Variants in CCDC110 observed in about 807,000 individuals in gnomAD.
CCDC110 encodes the protein coiled-coil domain-containing protein 110.
In CCDC110, 70 loss-of-function variants were observed where a neutral mutation model predicts 77.1. The observed-to-expected ratio is 0.91, with a 90% CI of 0.75 to 1.11. The LOEUF is 1.11. Ranked by LOEUF, CCDC110 falls within the 50% of genes least tolerant of loss-of-function variation. CCDC110 has a pLI of 0.00. For missense variants in CCDC110, 868 were observed against 942.9 expected (o/e 0.92, Z 1.04); for synonymous variants, 295 against 312.5 (o/e 0.94, Z 0.59).
At chr4:185,451,575 T>C (rs901585078) in intron 6 of CCDC110, among the ~76,000 whole-genome samples, 1 of 152,200 alleles carries the variant, frequency 6.6e-6, no homozygotes, top group Admixed American at 6.5e-5. Flanking sequence ...CAAAGAGTAA[T>C]ATTGAATACA....
chr4:185,464,052 C>G (rs375439195), intron 2 of CCDC110, among the ~76,000 whole-genome samples: 3 of 152,098 alleles, frequency 2.0e-5, no homozygotes, highest in African/African-American at 7.2e-5. Flanking sequence ...CCCTTATATC[C>G]CTCTTTGTCT....
intron 2 of CCDC110, among the ~76,000 whole-genome samples, chr4:185,467,708 A>G (rs962344413): frequency 6.6e-6 from 1 of 152,262 alleles, no homozygotes; most frequent in Non-Finnish European, 1.5e-5. Flanking sequence ...TATTCAATGT[A>G]TACAAAAAGT....
intron 6 of CCDC110, among the ~76,000 whole-genome samples, chr4:185,447,931 A>G (rs1339984657): frequency 1.3e-5 from 2 of 152,232 alleles, no homozygotes; most frequent in Non-Finnish European, 2.9e-5. Context: ...CTTAGCTGCA[A>G]TAATTAGCCA....
intron 6 of CCDC110, among the ~76,000 whole-genome samples, chr4:185,447,405 C>T (rs1477944542): frequency 8.5e-5 from 13 of 152,152 alleles, no homozygotes; most frequent in East Asian, 7.7e-4. Context: ...TGGACTTGAT[C>T]TCCTGACCTC....
intron 2 of CCDC110, 90 bp downstream of exon 2, chr4:185,470,855 T>C: frequency 2.1e-6 from 2 of 939,564 alleles, no homozygotes; most frequent in Non-Finnish European, 3.5e-6. Context: ...ATCACGGCCG[T>C]GGGAAGCACG....
intron 6 of CCDC110, among the ~76,000 whole-genome samples, chr4:185,447,221 G>C (rs773795402): frequency 6.3e-4 from 93 of 148,572 alleles, no homozygotes; most frequent in Admixed American, 1.4e-3. Context: ...TCACTCTGTC[G>C]CCCAGGCTGG....
intron 6 of CCDC110, among the ~76,000 whole-genome samples, chr4:185,447,273 C>T (rs996464442): frequency 1.3e-5 from 2 of 151,936 alleles, no homozygotes; most frequent in African/African-American, 4.8e-5. Context: ...GCTCCACCTG[C>T]CGGGTTCACG....
chr4:185,459,042 A>G lies in CCDC110; in HGVS notation c.1545T>C (p.Tyr515=), dbSNP rs1580182050. The G allele has an allele frequency of 6.4e-7, 1 of 1,570,872 alleles. No individual in the cohort carries two copies. The highest frequency in any genetic ancestry group is 1.2e-5 in the South Asian group (1 of 84,434). ...LKEFKKIISK[Y]NVLQGQNKTL... ...TTTTATTTTGGCCTTGCAGAACATT[A>G]TATTTACTAATTATTTTTTTAAATT... Residue 515 remains tyrosine (Y), a synonymous_variant, in exon 6 of 7, where the codon TAT becomes TAC. Coordinates refer to ENST00000307588, the MANE Select transcript of CCDC110 (RefSeq NM_152775.4).
At chr4:185,465,284 A>C (rs2095653495) in intron 2 of CCDC110, among the ~76,000 whole-genome samples, 1 of 152,232 alleles carries the variant, frequency 6.6e-6, no homozygotes. Context: ...AGGATTTGCA[A>C]GTTCAAAGCT....
At chr4:185,448,081 T>TGAC (rs2153315799) in intron 6 of CCDC110, among the ~76,000 whole-genome samples, 1 of 152,196 alleles carries the variant, frequency 6.6e-6, no homozygotes, top group Admixed American at 6.5e-5. Flanking sequence ...AGTGCAAAGG[T>TGAC]GTGATCTCGG....
At chr4:185,457,013 A>G (rs1388215073) in intron 6 of CCDC110, 1 of 250,366 alleles carries the variant, frequency 4.0e-6, no homozygotes, top group East Asian at 1.2e-4. Flanking sequence ...AATCCTTAAC[A>G]AAATATTACC....
chr4:185,448,330 G>A (rs1281981054), intron 6 of CCDC110, among the ~76,000 whole-genome samples: 1 of 152,214 alleles, frequency 6.6e-6, no homozygotes, highest in African/African-American at 2.4e-5. Context: ...CACTGCGCCC[G>A]GTCAGAAATA....
At chr4:185,456,263 A>G (rs1055375877) in intron 6 of CCDC110, among the ~76,000 whole-genome samples, 4 of 152,266 alleles carry the variant, frequency 2.6e-5, no homozygotes, top group African/African-American at 9.6e-5. Flanking sequence ...TGGGTCAAAG[A>G]ATAAATCACA....
Position 185,471,729 on chromosome 4 carries a change from C to A in CCDC110, c.-46G>T, listed in dbSNP as rs1432752769. Reference sequence around the variant, plus strand: ...GCAACCGCCGCCGCACGCACCCGCTCCGCCGCCCCGCGCAGGGCATCCTGT... The same window carrying A: ...GCAACCGCCGCCGCACGCACCCGCTACGCCGCCCCGCGCAGGGCATCCTGT... On this transcript the variant is annotated 5_prime_UTR_variant, in exon 1 of 7. Coordinates refer to ENST00000307588, the MANE Select transcript of CCDC110 (RefSeq NM_152775.4). The A allele has an allele frequency of 6.6e-7, 1 of 1,511,184 alleles. No homozygotes were observed. Among genetic ancestry groups the A allele is most frequent in the South Asian group, 1.3e-5 (1 of 79,072 alleles). The allele number at this position is 1,511,184 out of a possible 1,614,324, so 93.6% of individuals were successfully genotyped here.
chr4:185,469,410 T>C (rs2095661817), intron 2 of CCDC110, among the ~76,000 whole-genome samples: 1 of 152,214 alleles, frequency 6.6e-6, no homozygotes, highest in Admixed American at 6.5e-5. Flanking sequence ...ACATGTGCTA[T>C]TTTGCATGTA....
chr4:185,461,187 G>C (rs2095645789), intron 4 of CCDC110, 28 bp from the exon 5 acceptor site: 2 of 1,184,076 alleles, frequency 1.7e-6, no homozygotes, highest in Non-Finnish European at 2.5e-6. Flanking sequence ...AGAAAAATTT[G>C]ATTTCAGATT....
chr4:185,457,830 AAG>A, intron 6 of CCDC110: 1 of 1,381,748 alleles, frequency 7.2e-7, no homozygotes, highest in Non-Finnish European at 9.6e-7. Context: ...GGAAAAAAAA[AAG>A]AATTCTTTTA....
Position 185,468,371 on chromosome 4 carries a change from A to G in CCDC110, c.115+2574T>C, listed in dbSNP as rs1453229185. Among the ~76,000 whole-genome samples, 1 of 152,252 alleles carries G rather than the reference A, an allele frequency of 6.6e-6. No individual in the cohort carries two copies. Among genetic ancestry groups the G allele is most frequent in the Non-Finnish European group, 1.5e-5 (1 of 68,046 alleles). Reference sequence around the variant, plus strand: ...ACTAACTCATTACTGCAGAGGCAATATGATGATAATTTGGTAAATTCAAAA... The same window carrying G: ...ACTAACTCATTACTGCAGAGGCAATGTGATGATAATTTGGTAAATTCAAAA... On this transcript the variant is annotated intron_variant, in intron 2 of 6. Coordinates refer to ENST00000307588, the MANE Select transcript of CCDC110 (RefSeq NM_152775.4). This position sits in a 1 kb window ranked among gnomAD's most constrained non-coding sequence, Gnocchi z 4.5.
chr4:185,458,745 G>T lies in CCDC110; in HGVS notation c.1842C>A (p.Ile614=). The stretch of plus-strand genomic sequence containing the variant: ...CCAATCTTTCTTTCTCTTTTAGCTG[G>T]ATTATCTCTAGCTGGCTTTCTTTTA... The part of the protein sequence containing the change: ...NELKESQLEI[I]QLKEKERLAK... The change falls in exon 6 of 7, where the codon ATC becomes ATA. Residue 614 remains isoleucine, a synonymous_variant. Coordinates refer to ENST00000307588, the MANE Select transcript of CCDC110 (RefSeq NM_152775.4). The T allele has an allele frequency of 6.2e-7, 1 of 1,609,164 alleles. No homozygotes were observed. Among genetic ancestry groups the T allele is most frequent in the Non-Finnish European group, 8.5e-7 (1 of 1,178,920 alleles).
Sources: allele counts gnomAD v4.1 joint callset (sites outside exome capture counted in the v4.1 genomes callset), GRCh38; gene constraint gnomAD v4.1.1; non-coding constraint Gnocchi (gnomAD v3.1); transcripts MANE v1.5; gene names NCBI Gene and HGNC (gene_info 2026-07-23, HGNC 2026-07-21).